AGMO: variants seen among roughly 807,000 people sequenced by gnomAD.
The protein encoded by AGMO is alkylglycerol monooxygenase.
AGMO carries 75 observed loss-of-function variants against 60.2 expected under a neutral mutation model. The observed-to-expected ratio is 1.25, with a 90% CI of 1.03 to 1.51. AGMO has a LOEUF of 1.51. Among genes scored for constraint, AGMO ranks in the 40% most tolerant of loss-of-function variants. The pLI is 0.00. For synonymous variants in AGMO, 261 were observed against 177.1 expected, an observed-to-expected ratio of 1.47 and a Z score of -3.76; for missense variants, 763 against 525.5, an observed-to-expected ratio of 1.45 and a Z score of -4.42.
chr7:15,525,006 G>T (rs1784086819), intron 3 of AGMO, among the ~76,000 whole-genome samples: 2 of 152,038 alleles, frequency 1.3e-5, no homozygotes, highest in Non-Finnish European at 2.9e-5. Flanking sequence ...CTGACTGAAT[G>T]GATCTCTTCT....
chr7:15,306,461 A>G (rs920985802), intron 12 of AGMO: 10 of 463,020 alleles, frequency 2.2e-5, no homozygotes, highest in African/African-American at 4.1e-5. Context: ...TCTGCAATCA[A>G]TGCACTTTGG....
At chr7:15,322,017 A>C (rs1781122156) in intron 12 of AGMO, among the ~76,000 whole-genome samples, 1 of 151,982 alleles carries the variant, frequency 6.6e-6, no homozygotes, top group Non-Finnish European at 1.5e-5. Context: ...TTTTTTCTTA[A>C]GATGCCAGCT....
chr7:15,218,613 A>AT (rs1205643296), intron 12 of AGMO, among the ~76,000 whole-genome samples: 12 of 152,008 alleles, frequency 7.9e-5, no homozygotes, highest in African/African-American at 2.9e-4. Context: ...TGGATATTTT[A>AT]TTTTTTCTGT....
chr7:15,147,091 G>A, the AGMO span, among the ~76,000 whole-genome samples: 2 of 152,102 alleles, frequency 1.3e-5, no homozygotes, highest in Non-Finnish European at 2.9e-5. Context: ...CTCCCTTCTT[G>A]TTGCTTGGCC....
chr7:15,188,608 T>C, the AGMO span, among the ~76,000 whole-genome samples: 32 of 152,228 alleles, frequency 2.1e-4, no homozygotes, highest in African/African-American at 6.7e-4. Context: ...GGAGTGAGTA[T>C]AGACAATTAA....
chr7:15,533,659 T>C (rs532104032), intron 3 of AGMO, among the ~76,000 whole-genome samples: 12 of 152,234 alleles, frequency 7.9e-5, no homozygotes, highest in South Asian at 4.1e-4. Context: ...TTCTGCATAA[T>C]GACTTATTTT....
chr7:15,466,683 T>C (rs573173194), intron 3 of AGMO, among the ~76,000 whole-genome samples: 2 of 152,286 alleles, frequency 1.3e-5, no homozygotes, highest in Admixed American at 6.5e-5. Flanking sequence ...CCTTCATCTG[T>C]TAAGAGGACT....
At chr7:15,264,810 G>T (rs1447671144) in intron 12 of AGMO, among the ~76,000 whole-genome samples, 1 of 152,094 alleles carries the variant, frequency 6.6e-6, no homozygotes, top group Non-Finnish European at 1.5e-5. Flanking sequence ...GGGAGAAAAG[G>T]AAACACTTAT....
chr7:15,440,844 A>C (rs1350498123), intron 3 of AGMO, among the ~76,000 whole-genome samples: 1 of 152,226 alleles, frequency 6.6e-6, no homozygotes, highest in Admixed American at 6.5e-5. Context: ...GTTAATGGAA[A>C]GTAATGTTAT....
At chr7:15,519,021 T>C (rs1404708119) in intron 3 of AGMO, among the ~76,000 whole-genome samples, 1 of 151,380 alleles carries the variant, frequency 6.6e-6, no homozygotes, top group Non-Finnish European at 1.5e-5. Flanking sequence ...TCCTGAAGCA[T>C]ACACAAGTAT....
intron 12 of AGMO, chr7:15,306,687 T>C (rs953818405): frequency 2.2e-5 from 7 of 324,064 alleles, no homozygotes; most frequent in Admixed American, 4.5e-5. Flanking sequence ...TTTTAATGTT[T>C]AGAATTAGCA....
At chr7:15,504,374 T>G (rs1259678608) in intron 3 of AGMO, among the ~76,000 whole-genome samples, 1 of 152,020 alleles carries the variant, frequency 6.6e-6, no homozygotes, top group African/African-American at 2.4e-5. Flanking sequence ...CCTTCTCTGA[T>G]GGTTTCTACA....
At chr7:15,520,147 G>C (rs990311584) in intron 3 of AGMO, among the ~76,000 whole-genome samples, 1 of 152,000 alleles carries the variant, frequency 6.6e-6, no homozygotes, top group East Asian at 1.9e-4. Flanking sequence ...AGAAGAGCTA[G>C]CTACCCTAAA....
At chr7:15,359,008 T>C (rs563990933) in intron 12 of AGMO, among the ~76,000 whole-genome samples, 9 of 152,128 alleles carry the variant, frequency 5.9e-5, no homozygotes, top group Non-Finnish European at 1.2e-4. Context: ...TTTTCAGATA[T>C]GGAGTTTTAT....
At chr7:15,550,876 T>G (rs1203162051) in intron 2 of AGMO, among the ~76,000 whole-genome samples, 1 of 140,230 alleles carries the variant, frequency 7.1e-6, no homozygotes, top group African/African-American at 2.7e-5. Context: ...AAAGAGAATT[T>G]TAGACCAATA....
intron 3 of AGMO, among the ~76,000 whole-genome samples, chr7:15,516,627 T>C (rs895323851): frequency 3.3e-5 from 5 of 152,352 alleles, no homozygotes; most frequent in Non-Finnish European, 7.3e-5. Context: ...GTCTTTTAAA[T>C]TGTAACCTTA....
intron 12 of AGMO, among the ~76,000 whole-genome samples, chr7:15,272,705 A>T (rs1372762239): frequency 1.3e-5 from 2 of 152,326 alleles, no homozygotes; most frequent in East Asian, 3.9e-4. Context: ...GAATCGCGAC[A>T]CTGTCTTCCA....
chr7:15,533,724 A>C (rs992779266), intron 3 of AGMO, among the ~76,000 whole-genome samples: 1 of 152,158 alleles, frequency 6.6e-6, no homozygotes, highest in African/African-American at 2.4e-5. Flanking sequence ...ATGAAATCTA[A>C]TACTGATGAA....
chr7:15,187,874 G>A, the AGMO span, among the ~76,000 whole-genome samples: 5 of 134,490 alleles, frequency 3.7e-5, no homozygotes, highest in African/African-American at 1.2e-4. Context: ...AGGATCTCTC[G>A]GGTAAATTCG....
Sources: gnomAD v4.1 joint callset for allele counts (sites outside exome capture counted in the v4.1 genomes callset) on GRCh38, gnomAD v4.1.1 for gene constraint, MANE v1.5 for transcripts, NCBI Gene and HGNC (gene_info 2026-07-23, HGNC 2026-07-21) for gene names.